Variants in ANO9 observed in about 807,000 individuals in gnomAD.
The protein encoded by ANO9 is anoctamin 9.
Under a neutral mutation model 100.5 loss-of-function variants are expected in ANO9, and 80 were observed. That is an observed-to-expected ratio of 0.80 (90% CI 0.66 to 0.96). ANO9 has a LOEUF of 0.96. Among genes scored for constraint, ANO9 ranks in the 40% least tolerant of loss-of-function variants. The pLI is 0.00. For synonymous variants in ANO9, 473 were observed against 435.6 expected (o/e 1.09, Z -1.07); for missense variants, 1,064 against 1,072.7 (o/e 0.99, Z 0.11).
chr11:433,076 C>T (rs760998781), intron 4 of ANO9: 37 of 531,782 alleles, frequency 7.0e-5, no homozygotes, highest in Non-Finnish European at 1.1e-4. Context: ...ACACAGGCAG[C>T]CACACGGAGC....
intron 19 of ANO9, 181 bp from the exon 20 acceptor site, chr11:419,910 C>T: frequency 9.1e-6 from 13 of 1,427,616 alleles, no homozygotes; most frequent in South Asian, 1.5e-5. Flanking sequence ...CCTCTGCGCT[C>T]CTGCACCCCT....
chr11:439,726 C>G (rs2133723787), intron 1 of ANO9, among the ~76,000 whole-genome samples: 1 of 152,314 alleles, frequency 6.6e-6, no homozygotes, highest in Non-Finnish European at 1.5e-5. Flanking sequence ...ATGGAGAGGC[C>G]CACCTTGTGA....
rs758595952 is a variant in ANO9 at position 427,707 on chromosome 11, G to GTC, written c.1334+379_1334+380dup. Among the ~76,000 whole-genome samples, 221 of 149,220 alleles carry GTC rather than the reference G, an allele frequency of 1.5e-3. 2 individuals carry two copies. Among genetic ancestry groups the GTC allele is most frequent in the East Asian group, 6.3e-3 (32 of 5,102 alleles). On this transcript the variant is annotated intron_variant, in intron 15 of 22. Coordinates refer to ENST00000332826, the MANE Select transcript of ANO9 (RefSeq NM_001012302.3). ...CTGGCGACAGCAAGACCCTGTCTCTGTCTCTCTCTCTCTCTCTCTCATATA... is the reference window on the plus strand; with the variant it reads ...CTGGCGACAGCAAGACCCTGTCTCTGTCTCTCTCTCTCTCTCTCTCTCATATA...
chr11:428,208 G>A lies in ANO9; in HGVS notation c.1223-9C>T. The A allele has an allele frequency of 6.2e-7, 1 of 1,611,744 alleles. No individual in the cohort carries two copies. Among genetic ancestry groups the A allele is most frequent in the Non-Finnish European group, 8.5e-7 (1 of 1,179,390 alleles). ...GAAGGTCCTGGGCATCTCTGGAATGGGACCGGCCCTCACCTCTCTCCCTGC... is the reference window on the plus strand; with the variant it reads ...GAAGGTCCTGGGCATCTCTGGAATGAGACCGGCCCTCACCTCTCTCCCTGC... On this transcript the variant is annotated splice_polypyrimidine_tract_variant and intron_variant, in intron 14 of 22. Coordinates refer to ENST00000332826, the MANE Select transcript of ANO9 (RefSeq NM_001012302.3).
Position 420,728 on chromosome 11 carries a change from G to A in ANO9, c.1623C>T (p.Phe541=). Residue 541 remains phenylalanine (F), a synonymous_variant, in exon 18 of 23, where the codon TTC becomes TTT. Transcript: ENST00000332826. ...GCAGCGCCCACGCACTCATCTCCAT[G>A]AACTCGTCGAACAGGCTGAAGGTGT... ...PVNTFSLFDE[F]MEMMIQYGFT... 1 of 1,608,422 alleles carries A rather than the reference G, an allele frequency of 6.2e-7. No homozygotes were observed. Among genetic ancestry groups the A allele is most frequent in the Admixed American group, 1.7e-5 (1 of 59,828 alleles).
chr11:438,603 T>A (rs891823988), intron 1 of ANO9, among the ~76,000 whole-genome samples: 2 of 150,610 alleles, frequency 1.3e-5, no homozygotes, highest in Non-Finnish European at 2.9e-5. Context: ...AGGGCCAGTG[T>A]TTACGGAGCC....
intron 7 of ANO9, among the ~76,000 whole-genome samples, chr11:431,369 G>A: frequency 1.1e-5 from 1 of 93,878 alleles, no homozygotes; most frequent in Non-Finnish European, 2.1e-5. Flanking sequence ...CTGCGGGGGT[G>A]TGGGGGCTCC....
At position 428,340 on chromosome 11, in the gene ANO9, C is replaced by T. The variant is rs1309009105; in HGVS notation, c.1222+18G>A. ...CTCCCGCCGGGTCCCCCAAGAGGGT[C>T]TGGGGTAGTCCTCTCACCGAAGTCA... On this transcript the variant is annotated intron_variant, in intron 14 of 22. Coordinates refer to ENST00000332826, the MANE Select transcript of ANO9 (RefSeq NM_001012302.3). The T allele has an allele frequency of 1.9e-6, 3 of 1,612,252 alleles. No individual in the cohort carries two copies. In the African/African-American group the frequency reaches 4.0e-5, roughly 22 times the overall value.
rs1293448975 is a variant in ANO9 at position 418,373 on chromosome 11, A to G, written c.2347T>C (p.Ter783GlnextTer28). 4 of 1,605,566 alleles carry G rather than the reference A, an allele frequency of 2.5e-6. No homozygotes were observed. Among genetic ancestry groups the G allele is most frequent in the Non-Finnish European group, 3.4e-6 (4 of 1,176,566 alleles). The change falls in exon 23 of 23, where the codon TAG becomes CAG. Residue 783 changes from the stop codon to glutamine, a stop_lost. Coordinates refer to ENST00000332826, the MANE Select transcript of ANO9 (RefSeq NM_001012302.3). ...TGGCCTCTGGACGGGCTCTGGCCCT[A>G]CACGTCTGTGCTCCTGGCACTGAAG... ...SIFSARSTDV[*>Q]
At chr11:426,283 T>G (rs1475838650) in intron 15 of ANO9, among the ~76,000 whole-genome samples, 1 of 151,896 alleles carries the variant, frequency 6.6e-6, no homozygotes, top group Non-Finnish European at 1.5e-5. Flanking sequence ...GAGGATTGCT[T>G]GAGACTGCAG....
chr11:435,678 A>G (rs1303325584), intron 1 of ANO9, among the ~76,000 whole-genome samples: 27 of 122,478 alleles, frequency 2.2e-4, no homozygotes, highest in African/African-American at 8.5e-4. Flanking sequence ...AGTCTAGTCT[A>G]GTATGGTCTA....
chr11:434,909 C>T (rs867406076), intron 1 of ANO9, among the ~76,000 whole-genome samples: 21 of 152,280 alleles, frequency 1.4e-4, no homozygotes, highest in Middle Eastern at 3.4e-3. Context: ...CACACCTGGT[C>T]CCTGCACCTG....
intron 20 of ANO9, chr11:419,197 G>A: frequency 7.0e-7 from 1 of 1,431,300 alleles, no homozygotes; most frequent in East Asian, 2.5e-5. Context: ...GGCATCACCA[G>A]CCACTTTCCC....
At chr11:429,718 A>G in intron 10 of ANO9, 40 bp downstream of exon 10, 1 of 1,612,006 alleles carries the variant, frequency 6.2e-7, no homozygotes, top group Non-Finnish European at 8.5e-7. Context: ...TTGGGCTGGC[A>G]CTTCCCCTGG....
chr11:429,124 C>T (rs1204885484), intron 11 of ANO9, among the ~76,000 whole-genome samples: 1 of 119,468 alleles, frequency 8.4e-6, no homozygotes. Context: ...CAGGGACATG[C>T]CTCATGGGTG....
In ANO9 at chr11:429,810, G is replaced by T. The variant is rs374180690; in HGVS notation, c.780C>A (p.His260Gln). 6.2e-7 allele frequency: 1 copy of T among 1,605,202 alleles called. No homozygotes were observed. The highest frequency in any genetic ancestry group is 1.1e-5 in the South Asian group (1 of 90,512). The change falls in exon 10 of 23, where the codon CAC becomes CAA. Residue 260 changes from histidine to glutamine, a missense_variant. By Grantham distance (24) the His-to-Gln change is conservative (BLOSUM62 0). Transcript: ENST00000332826. ...SETCTFAKLT[H>Q]LFDNDGTVVF... Reference sequence around the variant, plus strand: ...CCACCGTGCCATCATTGTCAAAGAGGTGGGTGAGCTGGGGGGGTGATAGGT... The same window carrying T: ...CCACCGTGCCATCATTGTCAAAGAGTTGGGTGAGCTGGGGGGGTGATAGGT...
intron 1 of ANO9, among the ~76,000 whole-genome samples, 160 bp downstream of exon 1, chr11:441,761 C>T (rs1460792158): frequency 2.0e-5 from 3 of 152,136 alleles, no homozygotes; most frequent in Non-Finnish European, 4.4e-5. Context: ...TTAGCTGAGC[C>T]GGGCGGTCAC....
rs772974336 is a variant in ANO9 at position 428,498 on chromosome 11, CAT to C, written c.1160_1161del (p.Tyr387CysfsTer19). ...AVVVTGALVH[Y>X]VTIIIMTKIN... The stretch of plus-strand genomic sequence containing the variant: ...ACCTTGGTCATGATGATGATGGTCA[CAT>C]AGTGCACCAGAGCCCCGGTCACCAC... On this transcript the variant is annotated frameshift_variant, in exon 13 of 23. Transcript: ENST00000332826. LOFTEE classifies it high-confidence loss of function. 3 of 1,612,648 alleles carry C rather than the reference CAT, an allele frequency of 1.9e-6. No homozygotes were observed. The highest frequency in any genetic ancestry group is 3.3e-5 in the Admixed American group (2 of 60,018).
chr11:419,074 T>C lies in ANO9; in HGVS notation c.1935-85A>G, dbSNP rs1725260446. On this transcript the variant is annotated intron_variant, in intron 20 of 22. Transcript: ENST00000332826. ...CCCAGAGTGCTTCTAGCCTGCGTTG[T>C]GGAGCAAACAGTGAGGTGGGGGCCA... 3.8e-6 allele frequency: 6 copies of C among 1,591,396 alleles called. No homozygotes were observed. The Admixed American group carries it at 1.0e-4, about 27-fold the overall frequency.
Sources: allele counts gnomAD v4.1 joint callset (sites outside exome capture counted in the v4.1 genomes callset), GRCh38; gene constraint gnomAD v4.1.1; transcripts MANE v1.5; gene names NCBI Gene and HGNC (gene_info 2026-07-23, HGNC 2026-07-21).